ARHGEF28: variants seen among roughly 807,000 people sequenced by gnomAD.
ARHGEF28 encodes the protein Rho guanine nucleotide exchange factor 28.
In ARHGEF28, 152 loss-of-function variants were observed where a neutral mutation model predicts 206.6. The observed-to-expected ratio is 0.74, with a 90% CI of 0.64 to 0.84. ARHGEF28 has a LOEUF of 0.84. ARHGEF28 is among the 40% of genes least tolerant of loss of function. ARHGEF28 has a pLI of 0.00. For synonymous variants in ARHGEF28, 763 were observed against 776.4 expected (o/e 0.98, Z 0.29); for missense variants, 2,028 against 2,073.2 (o/e 0.98, Z 0.42).
chr5:73,700,020 G>C (rs1305908450), intron 2 of ARHGEF28, among the ~76,000 whole-genome samples: 1 of 152,090 alleles, frequency 6.6e-6, no homozygotes, highest in Non-Finnish European at 1.5e-5. Context: ...TTTTAGGAGA[G>C]AATGTTTCCT....
At chr5:73,740,272 A>G (rs971774966) in intron 2 of ARHGEF28, among the ~76,000 whole-genome samples, 3 of 152,210 alleles carry the variant, frequency 2.0e-5, no homozygotes, top group Non-Finnish European at 2.9e-5. Context: ...TTTAAAAAAT[A>G]TTGAAGCAAT....
At chr5:73,908,058 A>G (rs1164738142) in intron 33 of ARHGEF28, among the ~76,000 whole-genome samples, 1 of 152,182 alleles carries the variant, frequency 6.6e-6, no homozygotes, top group Non-Finnish European at 1.5e-5. Flanking sequence ...TTGTGTGCTA[A>G]TTATTTCATA....
chr5:73,725,977 A>G (rs1240089657), intron 2 of ARHGEF28, among the ~76,000 whole-genome samples: 1 of 152,218 alleles, frequency 6.6e-6, no homozygotes, highest in Non-Finnish European at 1.5e-5. Context: ...TAACAATAAA[A>G]TTCCTGTCAG....
intron 7 of ARHGEF28, among the ~76,000 whole-genome samples, chr5:73,792,548 T>A (rs2112481907): frequency 6.6e-6 from 1 of 152,066 alleles, no homozygotes; most frequent in East Asian, 1.9e-4. Flanking sequence ...TTTAAAGGAA[T>A]GAATGTCCTA....
chr5:73,917,432 T>C (rs1006129405), intron 35 of ARHGEF28, among the ~76,000 whole-genome samples: 12 of 152,252 alleles, frequency 7.9e-5, no homozygotes, highest in African/African-American at 2.7e-4. Flanking sequence ...TGATTGACTT[T>C]AGCCTTTTGC....
intron 2 of ARHGEF28, among the ~76,000 whole-genome samples, chr5:73,725,505 G>T (rs1288008063): frequency 9.8e-6 from 1 of 101,766 alleles, no homozygotes; most frequent in African/African-American, 3.2e-5. Context: ...GTGACTGTAA[G>T]AACATTATTG....
chr5:73,706,905 A>G (rs1172467985), intron 2 of ARHGEF28, among the ~76,000 whole-genome samples: 4 of 152,166 alleles, frequency 2.6e-5, no homozygotes, highest in African/African-American at 9.7e-5. Flanking sequence ...TGAATAATGT[A>G]TGACTTGAGT....
chr5:73,864,060 G>A (rs900943929), intron 16 of ARHGEF28, among the ~76,000 whole-genome samples: 1 of 152,082 alleles, frequency 6.6e-6, no homozygotes, highest in Non-Finnish European at 1.5e-5. Context: ...CAGGCTCCTC[G>A]GTCTATGCTA....
chr5:73,683,288 G>A (rs1747223178), intron 1 of ARHGEF28, among the ~76,000 whole-genome samples: 1 of 152,050 alleles, frequency 6.6e-6, no homozygotes, highest in Admixed American at 6.5e-5. Flanking sequence ...CATTACCGTT[G>A]TCCATCTCCA....
intron 6 of ARHGEF28, among the ~76,000 whole-genome samples, chr5:73,779,348 C>G (rs1284786717): frequency 6.6e-6 from 1 of 152,074 alleles, no homozygotes; most frequent in Non-Finnish European, 1.5e-5. Flanking sequence ...CACAGCTTGG[C>G]TAAAATTAAT....
At chr5:73,639,913 T>C (rs1160847248) in intron 1 of ARHGEF28, among the ~76,000 whole-genome samples, 2 of 152,238 alleles carry the variant, frequency 1.3e-5, no homozygotes, top group African/African-American at 4.8e-5. Flanking sequence ...ATACTGTGTA[T>C]TGGCAAATCA....
intron 4 of ARHGEF28, 57 bp downstream of exon 4, chr5:73,753,259 C>A: frequency 2.7e-6 from 4 of 1,483,314 alleles, no homozygotes; most frequent in Non-Finnish European, 3.6e-6. Flanking sequence ...TCAGAATGTA[C>A]CTTATGCTAT....
chr5:73,916,404 G>C (rs1191766683), intron 35 of ARHGEF28, among the ~76,000 whole-genome samples: 1 of 152,180 alleles, frequency 6.6e-6, no homozygotes, highest in Non-Finnish European at 1.5e-5. Context: ...AAGTACCACA[G>C]GCTAGGGGGC....
intron 2 of ARHGEF28, among the ~76,000 whole-genome samples, chr5:73,730,537 T>G (rs1007885762): frequency 2.1e-3 from 301 of 143,216 alleles, no homozygotes; most frequent in African/African-American, 7.8e-3. Flanking sequence ...AAGGAGGATT[T>G]TTTTTTTTTT....
intron 35 of ARHGEF28, among the ~76,000 whole-genome samples, chr5:73,934,491 T>C (rs1443017700): frequency 1.3e-5 from 2 of 152,242 alleles, no homozygotes; most frequent in Non-Finnish European, 2.9e-5. Context: ...CTGGGTGTAA[T>C]ATAGATGTTA....
At chr5:73,884,583 T>A (rs566968965) in intron 24 of ARHGEF28, among the ~76,000 whole-genome samples, 1 of 152,360 alleles carries the variant, frequency 6.6e-6, no homozygotes, top group African/African-American at 2.4e-5. Context: ...GGTGGTAGTG[T>A]GTTATGTTAA....
intron 1 of ARHGEF28, among the ~76,000 whole-genome samples, chr5:73,645,344 A>G (rs1056044002): frequency 2.0e-5 from 3 of 152,268 alleles, no homozygotes; most frequent in East Asian, 1.9e-4. Flanking sequence ...AAGTATTTAC[A>G]TAATTAGGTT....
At chr5:73,794,534 T>A in intron 8 of ARHGEF28, 80 bp downstream of exon 8, 1 of 1,154,298 alleles carries the variant, frequency 8.7e-7, no homozygotes. Flanking sequence ...ATAAAAATGT[T>A]TAAAAAACAC....
chr5:73,768,554 A>T (rs914359641), intron 4 of ARHGEF28, among the ~76,000 whole-genome samples: 3 of 152,060 alleles, frequency 2.0e-5, no homozygotes, highest in Non-Finnish European at 4.4e-5. Flanking sequence ...TGTTTTGGCC[A>T]ATTTTTCCCA....
Sources: gnomAD v4.1 joint callset for allele counts (sites outside exome capture counted in the v4.1 genomes callset) on GRCh38, gnomAD v4.1.1 for gene constraint, MANE v1.5 for transcripts, NCBI Gene and HGNC (gene_info 2026-07-23, HGNC 2026-07-21) for gene names.